Variants in CDC123 observed in about 807,000 individuals in gnomAD.
The protein encoded by CDC123 is cell division cycle 123, also known as translation initiation factor eIF2 assembly protein.
A neutral mutation model predicts 54.4 loss-of-function variants in CDC123; 37 were observed. That is an observed-to-expected ratio of 0.68 (90% CI 0.52 to 0.89). The LOEUF is 0.89. CDC123 is among the 40% of genes least tolerant of loss of function. The probability of loss-of-function intolerance (pLI) is 0.00; values close to 1 mark genes in which losing one functional copy is unlikely to be tolerated. For missense variants in CDC123, 361 were observed against 412.1 expected (o/e 0.88, Z 1.07); for synonymous variants, 144 against 136.8 (o/e 1.05, Z -0.37).
intron 9 of CDC123, 91 bp from the exon 10 acceptor site, chr10:12,238,366 T>C (rs1187049388): frequency 1.4e-6 from 2 of 1,427,538 alleles, no homozygotes; most frequent in African/African-American, 1.4e-5. Context: ...TATTCTGCTG[T>C]CTTTGATTAA....
At chr10:12,231,537 A>G (rs946037577) in intron 7 of CDC123, among the ~76,000 whole-genome samples, 1 of 150,776 alleles carries the variant, frequency 6.6e-6, no homozygotes, top group South Asian at 2.1e-4. Flanking sequence ...AGGCTGAAGA[A>G]TCGCTTGAAC....
chr10:12,204,475 T>A (rs74714515), intron 2 of CDC123, among the ~76,000 whole-genome samples: 5,309 of 152,224 alleles, frequency 0.035, 317 homozygotes, highest in African/African-American at 0.12. Flanking sequence ...ATGATTTTTT[T>A]AAATTTTTTA....
At chr10:12,235,190 T>G (rs1835962849) in intron 8 of CDC123, 67 bp downstream of exon 8, 6 of 1,378,402 alleles carry the variant, frequency 4.4e-6, no homozygotes, top group Admixed American at 3.4e-5. Context: ...AAGCTTTTGT[T>G]GGAAGTAAAT....
chr10:12,200,834 G>A (rs753757134), intron 2 of CDC123, among the ~76,000 whole-genome samples: 21 of 152,218 alleles, frequency 1.4e-4, no homozygotes, highest in East Asian at 1.4e-3. Flanking sequence ...TCGGGAAGCC[G>A]AGGCAGGAGA....
intron 2 of CDC123, among the ~76,000 whole-genome samples, chr10:12,209,422 A>C (rs770578990): frequency 2.0e-5 from 3 of 152,072 alleles, no homozygotes; most frequent in Admixed American, 6.6e-5. Flanking sequence ...TTTTTTGTAA[A>C]GACAGAGTCT....
chr10:12,244,190 A>C (rs1295088774), intron 10 of CDC123, among the ~76,000 whole-genome samples: 1 of 152,240 alleles, frequency 6.6e-6, no homozygotes, highest in Non-Finnish European at 1.5e-5. Context: ...CAGCTGAGAA[A>C]CAGTGCCAGA....
At chr10:12,208,229 A>G (rs1245578787) in intron 2 of CDC123, among the ~76,000 whole-genome samples, 1 of 152,060 alleles carries the variant, frequency 6.6e-6, no homozygotes, top group Non-Finnish European at 1.5e-5. Flanking sequence ...TATTTTTCTC[A>G]ATGATATGAG....
intron 6 of CDC123, among the ~76,000 whole-genome samples, chr10:12,230,349 C>T (rs1402814535): frequency 2.0e-5 from 3 of 152,078 alleles, no homozygotes; most frequent in South Asian, 2.1e-4. Flanking sequence ...TCCACCACCA[C>T]AGCCGGCTAA....
At chr10:12,240,224 C>G (rs887358092) in intron 10 of CDC123, among the ~76,000 whole-genome samples, 2 of 152,116 alleles carry the variant, frequency 1.3e-5, no homozygotes, top group African/African-American at 4.8e-5. Context: ...ATTTCACTGT[C>G]CAAGACATGT....
chr10:12,246,358 G>A, intron 11 of CDC123, 81 bp downstream of exon 11: 1 of 1,509,814 alleles, frequency 6.6e-7, no homozygotes, highest in South Asian at 1.2e-5. Context: ...GCATAGGTAG[G>A]CGGCAATGGC....
intron 1 of CDC123, 131 bp from the exon 2 acceptor site, chr10:12,198,574 T>C: frequency 1.5e-6 from 1 of 651,934 alleles, no homozygotes; most frequent in South Asian, 1.7e-5. Flanking sequence ...TGCTACCAAA[T>C]GTACATCATT....
chr10:12,225,319 C>T (rs1277132126), intron 6 of CDC123, among the ~76,000 whole-genome samples: 4 of 152,184 alleles, frequency 2.6e-5, no homozygotes, highest in African/African-American at 4.8e-5. Context: ...TGCTTGAGCC[C>T]GGGAGACGGA....
At position 12,217,341 on chromosome 10, in the gene CDC123, G is replaced by T; in HGVS notation, c.334-20G>T. ...GCCAACATGGAATATGGACTAAATA[G>T]CATGTGCTTCATTCTTTAGGATGCG... On this transcript the variant is annotated intron_variant, in intron 5 of 12. Transcript: ENST00000281141. 6.2e-7 allele frequency: 1 copy of T among 1,606,400 alleles called. No individual in the cohort carries two copies. Among genetic ancestry groups the T allele is most frequent in the Non-Finnish European group, 8.5e-7 (1 of 1,174,958 alleles).
intron 2 of CDC123, among the ~76,000 whole-genome samples, chr10:12,209,474 A>G (rs1031365138): frequency 4.6e-5 from 7 of 152,150 alleles, no homozygotes; most frequent in African/African-American, 1.2e-4. Flanking sequence ...GGCTCAAGCA[A>G]TCCTCCCATC....
intron 6 of CDC123, 45 bp downstream of exon 6, chr10:12,217,512 G>A: frequency 6.3e-7 from 1 of 1,586,428 alleles, no homozygotes; most frequent in Non-Finnish European, 8.6e-7. Flanking sequence ...CAGTATTTGT[G>A]CAAATTTCTC....
At chr10:12,198,850 C>A in intron 2 of CDC123, 74 bp downstream of exon 2, 1 of 808,186 alleles carries the variant, frequency 1.2e-6, no homozygotes, top group Non-Finnish European at 2.1e-6. Context: ...TTAGCTTAGG[C>A]ACCATTCTTT....
intron 6 of CDC123, among the ~76,000 whole-genome samples, chr10:12,218,502 G>T (rs555627109): frequency 6.6e-6 from 1 of 152,080 alleles, no homozygotes; most frequent in Non-Finnish European, 1.5e-5. Flanking sequence ...GCCTCCCAAC[G>T]TGTTAGGCTT....
chr10:12,217,497 A>T (rs1431103380), intron 6 of CDC123, 30 bp downstream of exon 6: 1 of 1,603,826 alleles, frequency 6.2e-7, no homozygotes, highest in Non-Finnish European at 8.5e-7. Flanking sequence ...TCATGTCAAT[A>T]GTTTCAGTAT....
At chr10:12,212,089 AAAAAT>A (rs141650049) in intron 4 of CDC123, among the ~76,000 whole-genome samples, 4,466 of 152,244 alleles carry the variant, frequency 0.029, 212 homozygotes, top group African/African-American at 0.1. Context: ...CTCCGTCTCA[AAAAAT>A]AAAATAAAAT....
Sources: allele counts gnomAD v4.1 joint callset (sites outside exome capture counted in the v4.1 genomes callset), GRCh38; gene constraint gnomAD v4.1.1; transcripts MANE v1.5; gene names NCBI Gene and HGNC (gene_info 2026-07-23, HGNC 2026-07-21).